THRB: variants seen among roughly 807,000 people sequenced by gnomAD.
THRB encodes nuclear receptor subfamily 1 group A member 2.
A neutral mutation model predicts 47.8 loss-of-function variants in THRB; 12 were observed. The observed-to-expected ratio is 0.25, with a 90% CI of 0.16 to 0.41. The LOEUF is 0.41. THRB is among the 10% of genes least tolerant of loss of function. The pLI is 1.00. For missense variants in THRB, 348 were observed against 589.2 expected (o/e 0.59, Z 4.24); for synonymous variants, 218 against 212.2 (o/e 1.03, Z -0.24).
chr3:24,417,138 A>ACACG (rs142143378), intron 1 of THRB, among the ~76,000 whole-genome samples: 19 of 151,206 alleles, frequency 1.3e-4, no homozygotes, highest in African/African-American at 3.9e-4. Context: ...ACACACACAC[A>ACACG]CGCGCAACGC....
intron 4 of THRB, among the ~76,000 whole-genome samples, chr3:24,218,342 C>CTT (rs869304743): frequency 7.7e-5 from 9 of 117,238 alleles, no homozygotes; most frequent in South Asian, 2.8e-4. Flanking sequence ...CTCTCTCTCT[C>CTT]TTTTTTTTTT....
intron 2 of THRB, among the ~76,000 whole-genome samples, chr3:24,336,306 T>C (rs1370277189): frequency 1.3e-5 from 2 of 152,026 alleles, no homozygotes; most frequent in Non-Finnish European, 2.9e-5. Flanking sequence ...GCCTCGACAA[T>C]AGGCCAGAGG....
In THRB at chr3:24,233,339, T is replaced by C. The variant is rs138544030; in HGVS notation, c.-42-4338A>G. 1.5e-4 allele frequency among the ~76,000 whole-genome samples: 23 copies of C among 151,974 alleles called. 1 individual carries two copies. Among genetic ancestry groups the C allele is most frequent in the African/African-American group, 5.3e-4 (22 of 41,444 alleles). ...GCTGCATGGACAGAAATATAGCCTG[T>C]AGCTGGGCACAGTGGCATGCACTTG... On this transcript the variant is annotated intron_variant, in intron 3 of 10. Coordinates refer to ENST00000646209, the MANE Select transcript of THRB (RefSeq NM_001354712.2).
intron 1 of THRB, among the ~76,000 whole-genome samples, chr3:24,469,659 CAAT>C (rs1364442307): frequency 4.6e-5 from 7 of 152,164 alleles, no homozygotes; most frequent in Non-Finnish European, 8.8e-5. Flanking sequence ...AGCTACACTA[CAAT>C]GAGGTGTAAG....
At chr3:24,127,249 G>A (rs774349183) in intron 10 of THRB, among the ~76,000 whole-genome samples, 1 of 152,136 alleles carries the variant, frequency 6.6e-6, no homozygotes, top group Admixed American at 6.5e-5. Flanking sequence ...CACCAAAGGC[G>A]GATCACTTCG....
At chr3:24,392,084 T>C (rs2066617914) in intron 1 of THRB, among the ~76,000 whole-genome samples, 1 of 152,164 alleles carries the variant, frequency 6.6e-6, no homozygotes. Context: ...TGTGCATCTT[T>C]TTATTGAATC....
chr3:24,235,993 C>T (rs2048824708), intron 3 of THRB, among the ~76,000 whole-genome samples: 2 of 152,130 alleles, frequency 1.3e-5, no homozygotes, highest in African/African-American at 2.4e-5. Flanking sequence ...TGAGCCTTCC[C>T]ACAGCTCTGT....
chr3:24,151,886 C>T (rs1259896287), intron 6 of THRB, among the ~76,000 whole-genome samples: 1 of 152,200 alleles, frequency 6.6e-6, no homozygotes, highest in African/African-American at 2.4e-5. Context: ...TGGATAATTT[C>T]AGAACATAAC....
chr3:24,170,577 A>G (rs372192897), intron 5 of THRB, among the ~76,000 whole-genome samples: 8 of 152,302 alleles, frequency 5.3e-5, no homozygotes, highest in African/African-American at 1.9e-4. Flanking sequence ...ATAAACCAAA[A>G]TAGCATCCTT....
intron 1 of THRB, among the ~76,000 whole-genome samples, chr3:24,491,494 C>T (rs763916008): frequency 1.1e-4 from 16 of 152,114 alleles, no homozygotes; most frequent in Non-Finnish European, 2.2e-4. Context: ...TTTTATGAAG[C>T]GGCAAAAGAG....
intron 1 of THRB, among the ~76,000 whole-genome samples, chr3:24,397,567 G>T (rs2067057951): frequency 6.7e-6 from 1 of 149,832 alleles, no homozygotes; most frequent in Non-Finnish European, 1.5e-5. Context: ...GCTGGCCCCT[G>T]CATGAATGCA....
In THRB at chr3:24,247,297, G is replaced by A. The variant is rs2050200007; in HGVS notation, c.-42-18296C>T. On this transcript the variant is annotated intron_variant, in intron 3 of 10. Coordinates refer to ENST00000646209, the MANE Select transcript of THRB (RefSeq NM_001354712.2). ...GATGATAACAATAAAGGCGATAATA[G>A]CAATAGCAGCTAACATTTGTTGAGT... 2.0e-5 allele frequency among the ~76,000 whole-genome samples: 3 copies of A among 152,314 alleles called. 1 individual carries two copies. Among genetic ancestry groups the A allele is most frequent in the Middle Eastern group, 6.8e-3 (2 of 294 alleles).
At chr3:24,303,316 G>T (rs7609746) in intron 2 of THRB, among the ~76,000 whole-genome samples, 17,968 of 152,188 alleles carry the variant, frequency 0.12, 3,408 homozygotes, top group African/African-American at 0.4. Context: ...GGGCCAAAGG[G>T]TGGTCAGCAA....
chr3:24,427,549 C>G (rs1560160608), intron 1 of THRB, among the ~76,000 whole-genome samples: 3 of 152,014 alleles, frequency 2.0e-5, no homozygotes, highest in South Asian at 4.1e-4. Flanking sequence ...AGAATCCATA[C>G]AAATAAGCAG....
chr3:24,399,680 T>C (rs960387826), intron 1 of THRB, among the ~76,000 whole-genome samples: 4 of 152,104 alleles, frequency 2.6e-5, no homozygotes, highest in African/African-American at 9.7e-5. Flanking sequence ...TACAGACTCT[T>C]CTGGCTGAAA....
chr3:24,461,168 C>T (rs182029153), intron 1 of THRB, among the ~76,000 whole-genome samples: 3 of 152,158 alleles, frequency 2.0e-5, no homozygotes, highest in Admixed American at 6.5e-5. Flanking sequence ...ATCAGCATCA[C>T]TTTGGAGAGG....
At chr3:24,444,184 G>A (rs143280389) in intron 1 of THRB, among the ~76,000 whole-genome samples, 1 of 152,206 alleles carries the variant, frequency 6.6e-6, no homozygotes, top group East Asian at 1.9e-4. Flanking sequence ...GGAAATTCTG[G>A]CTAATGTTAT....
At chr3:24,495,113 C>T (rs1445883016), upstream of THRB, 4 of 152,448 alleles carry the variant, frequency 2.6e-5, no homozygotes, top group African/African-American at 9.7e-5. Context: ...CCCCGGCCCG[C>T]TTCCCGGGCG....
chr3:24,434,523 G>C (rs748346557), intron 1 of THRB, among the ~76,000 whole-genome samples: 5 of 152,172 alleles, frequency 3.3e-5, no homozygotes, highest in African/African-American at 4.8e-5. Context: ...ACCATGGAGA[G>C]AATGACTGTG....
Sources: allele counts gnomAD v4.1 joint callset (sites outside exome capture counted in the v4.1 genomes callset), GRCh38; gene constraint gnomAD v4.1.1; transcripts MANE v1.5; gene names NCBI Gene and HGNC (gene_info 2026-07-23, HGNC 2026-07-21).